Variants in MIER2 observed in about 807,000 individuals in gnomAD.
The protein encoded by MIER2 is mesoderm induction early response protein 2.
MIER2 carries 30 observed loss-of-function variants against 67.6 expected under a neutral mutation model. That is an observed-to-expected ratio of 0.44 (90% CI 0.33 to 0.60). The LOEUF (loss-of-function observed/expected upper bound fraction) is 0.60, where lower values mean the gene tolerates loss of function less well. Among genes scored for constraint, MIER2 ranks in the 20% least tolerant of loss-of-function variants. MIER2 has a pLI of 0.02. For synonymous variants in MIER2, 372 were observed against 312.6 expected, an observed-to-expected ratio of 1.19 and a Z score of -2.00; for missense variants, 702 against 745.1, an observed-to-expected ratio of 0.94 and a Z score of 0.67.
intron 3 of MIER2, among the ~76,000 whole-genome samples, chr19:329,508 G>C (rs1040452939): frequency 6.6e-6 from 1 of 152,144 alleles, no homozygotes; most frequent in African/African-American, 2.4e-5. Context: ...AGTGCCCGTG[G>C]AAGCTGCAGC....
chr19:324,656 C>T (rs1809744190), intron 7 of MIER2, among the ~76,000 whole-genome samples: 1 of 150,532 alleles, frequency 6.6e-6, no homozygotes, highest in African/African-American at 2.4e-5. Flanking sequence ...CAATGCAATA[C>T]ACAGGACACA....
At chr19:311,978 GGGCGGGGCCGC>G in intron 9 of MIER2, 39 bp from the exon 10 acceptor site, 1 of 1,590,370 alleles carries the variant, frequency 6.3e-7, no homozygotes, top group African/African-American at 1.3e-5. Flanking sequence ...GTGGTGCCCA[GGGCGGGGCCGC>G]AGCGGAAGGA....
rs771602282 is a variant in MIER2 at position 307,339 on chromosome 19, C to T, written c.1396G>A (p.Ala466Thr). The T allele has an allele frequency of 2.1e-5, 34 of 1,603,028 alleles. No individual in the cohort carries two copies. In the East Asian group the frequency reaches 7.0e-4, roughly 33 times the overall value. ...AAGTCCACGGCCAGCCTTGGGCTGG[C>T]GTCTGGCTCCGGAGCAGTGACAGCT... is the stretch of plus-strand genomic sequence containing the variant. The part of the protein sequence containing the change: ...QPAVTAPEPD[A>T]SPRLAVDFAL... Residue 466 changes from alanine to threonine, a missense_variant, in exon 13 of 14, where the codon GCC becomes ACC. Around this residue, in one of 3 missense-constraint regions of MIER2, gnomAD observed 254 missense variants for 262.8 expected, o/e 0.97. Coordinates refer to ENST00000264819, the MANE Select transcript of MIER2 (RefSeq NM_017550.3).
chr19:314,337 G>A (rs575597281), intron 7 of MIER2, among the ~76,000 whole-genome samples: 7 of 152,320 alleles, frequency 4.6e-5, no homozygotes, highest in African/African-American at 1.4e-4. Context: ...AGGGAGGGAC[G>A]CAGCCTCCAG....
chr19:316,439 C>CCA lies in MIER2; in HGVS notation c.656-2797_656-2796insTG, dbSNP rs555827233. Among the ~76,000 whole-genome samples the CCA allele has an allele frequency of 3.1e-3, 467 of 152,034 alleles. 3 individuals are homozygous for CCA. Among genetic ancestry groups the CCA allele is most frequent in the African/African-American group, 0.011 (441 of 41,456 alleles). ...TCCCGAGTAGCTGGGACTACAGGTG[C>CCA]CCACCACGCCTGGCTAATTTTTGTA... On this transcript the variant is annotated intron_variant, in intron 7 of 13. Coordinates refer to ENST00000264819, the MANE Select transcript of MIER2 (RefSeq NM_017550.3).
rs1366615800 is a variant in MIER2, at chr19:325,703, T to C, written c.587A>G (p.Glu196Gly). 6.2e-7 allele frequency: 1 copy of C among 1,614,118 alleles called. No homozygotes were observed. The highest frequency in any genetic ancestry group is 1.7e-5 in the Admixed American group (1 of 60,008). Reference sequence around the variant, plus strand: ...TTGGAACTGAGGTCCCACCATGATCTCCTGCAAAGCAAGCACCTGGGAATC... The same window carrying C: ...TTGGAACTGAGGTCCCACCATGATCCCCTGCAAAGCAAGCACCTGGGAATC... ...DSLPANKCKK[E>G]IMVGPQFQAD... Residue 196 changes from glutamate (E) to glycine (G), a missense_variant and splice_region_variant, in exon 7 of 14, where the codon GAG becomes GGG. Physicochemically the swap from Glu to Gly is moderately conservative, Grantham distance 98. Around this residue, in one of 3 missense-constraint regions of MIER2, gnomAD observed 320 missense variants for 292.6 expected, o/e 1.09. Transcript: ENST00000264819.
chr19:337,947 G>A (rs1972337830), intron 1 of MIER2, among the ~76,000 whole-genome samples: 1 of 150,994 alleles, frequency 6.6e-6, no homozygotes, highest in African/African-American at 2.4e-5. Flanking sequence ...GCCGAGGTGG[G>A]CAGATCACGA....
At chr19:331,180 T>TAA (rs1175502900) in intron 3 of MIER2, among the ~76,000 whole-genome samples, 1 of 151,636 alleles carries the variant, frequency 6.6e-6, no homozygotes, top group Non-Finnish European at 1.5e-5. Context: ...GCCAACATGG[T>TAA]AAAACCTCGT....
chr19:313,298 C>T (rs1244668108), intron 8 of MIER2, among the ~76,000 whole-genome samples, 194 bp downstream of exon 8: 1 of 152,176 alleles, frequency 6.6e-6, no homozygotes, highest in Non-Finnish European at 1.5e-5. Flanking sequence ...GAGGCGTCTA[C>T]ACCTCCTCCC....
chr19:312,313 A>G (rs58749922), intron 8 of MIER2, 41 bp from the exon 9 acceptor site: 126,243 of 1,586,970 alleles, frequency 0.08, 6,042 homozygotes, highest in African/African-American at 0.19. Flanking sequence ...GGCTCAGCGC[A>G]GGAGCCGACA....
chr19:329,234 C>G (rs113275866), intron 3 of MIER2, among the ~76,000 whole-genome samples: 1 of 152,010 alleles, frequency 6.6e-6, no homozygotes. Flanking sequence ...CCCAGCCCTT[C>G]TCCAGGTGGA....
chr19:329,866 CAAAA>C (rs36067469), intron 3 of MIER2, among the ~76,000 whole-genome samples: 1 of 94,798 alleles, frequency 1.1e-5, no homozygotes. Context: ...TACTCCGTCT[CAAAA>C]AAAAAAAAAA....
At chr19:313,891 T>G (rs1262313172) in intron 7 of MIER2, among the ~76,000 whole-genome samples, 1 of 152,032 alleles carries the variant, frequency 6.6e-6, no homozygotes, top group Non-Finnish European at 1.5e-5. Context: ...AACGACCAAG[T>G]GCAGGGAGCC....
Position 327,209 on chromosome 19 carries a change from C to G in MIER2, c.417G>C (p.Thr139=), listed in dbSNP as rs368337556. The change falls in exon 5 of 14, where the codon ACG becomes ACC. Residue 139 remains threonine, a synonymous_variant. Coordinates refer to ENST00000264819, the MANE Select transcript of MIER2 (RefSeq NM_017550.3). ...GGGTGAGGTCGTCAGCAGATGATTGCGTCTCTTCCTCTTCTTCCCCTGAAA... is the reference window on the plus strand; with the variant it reads ...GGGTGAGGTCGTCAGCAGATGATTGGGTCTCTTCCTCTTCTTCCCCTGAAA... ...DLLSGEEEEE[T]QSSADDLTPS... 9.4e-6 allele frequency: 15 copies of G among 1,589,510 alleles called. No individual in the cohort carries two copies. In the Admixed American group the frequency reaches 1.1e-4, roughly 12 times the overall value.
rs922692422 is a variant in MIER2 at position 336,001 on chromosome 19, A to G, written c.100+82T>C. On this transcript the variant is annotated intron_variant, in intron 2 of 13. Transcript: ENST00000264819. ...AAGCCAGTGTGCCGGTCCACAGCTC[A>G]GCCAGGCCCAGCAGGCATTCTGTCT... 91 of 1,372,534 alleles carry G rather than the reference A, an allele frequency of 6.6e-5. No individual in the cohort carries two copies. In the African/African-American group the frequency reaches 1.1e-3, roughly 16 times the overall value. The allele number at this position is 1,372,534 out of a possible 1,614,324, so 85.0% of individuals were successfully genotyped here.
At chr19:325,111 C>T (rs377305221) in intron 7 of MIER2, among the ~76,000 whole-genome samples, 12 of 152,326 alleles carry the variant, frequency 7.9e-5, no homozygotes, top group East Asian at 5.8e-4. Context: ...CAGGGCAACA[C>T]AAATGAGACC....
At chr19:315,984 A>AC (rs1473451158) in intron 7 of MIER2, among the ~76,000 whole-genome samples, 1 of 152,254 alleles carries the variant, frequency 6.6e-6, no homozygotes, top group East Asian at 1.9e-4. Context: ...AAAGAGTAAG[A>AC]CCGTCCTCTG....
chr19:313,985 A>C (rs1405182947), intron 7 of MIER2, among the ~76,000 whole-genome samples: 1 of 152,136 alleles, frequency 6.6e-6, no homozygotes, highest in African/African-American at 2.4e-5. Context: ...GGGGAATTCT[A>C]AGCAAGGACT....
chr19:336,512 G>C (rs111982226), intron 1 of MIER2, among the ~76,000 whole-genome samples: 5 of 152,230 alleles, frequency 3.3e-5, no homozygotes, highest in African/African-American at 1.2e-4. Context: ...TGCACTGGGA[G>C]GGAAGCCAGA....
Sources: allele counts gnomAD v4.1 joint callset (sites outside exome capture counted in the v4.1 genomes callset), GRCh38; gene constraint gnomAD v4.1.1; regional missense constraint gnomAD v4.1.1; transcripts MANE v1.5; gene names NCBI Gene and HGNC (gene_info 2026-07-23, HGNC 2026-07-21).